The following PPP6R2 variants were observed in gnomAD, a reference collection of about 807,000 sequenced individuals.
PPP6R2 encodes serine/threonine-protein phosphatase 6 regulatory subunit 2.
In PPP6R2, 62 loss-of-function variants were observed where a neutral mutation model predicts 100.2. The observed-to-expected ratio is 0.62, with a 90% CI of 0.50 to 0.76. The LOEUF (loss-of-function observed/expected upper bound fraction) is 0.76. Among genes scored for constraint, PPP6R2 ranks in the 30% least tolerant of loss-of-function variants. The pLI, the probability that PPP6R2 is intolerant of heterozygous loss-of-function variation, is 0.00. For synonymous variants in PPP6R2, 525 were observed against 514.7 expected, an observed-to-expected ratio of 1.02 and a Z score of -0.27; for missense variants, 1,142 against 1,276.3, an observed-to-expected ratio of 0.89 and a Z score of 1.60.
intron 1 of PPP6R2, among the ~76,000 whole-genome samples, chr22:50,367,547 T>A (rs953108185): frequency 2.0e-5 from 3 of 152,084 alleles, no homozygotes; most frequent in Non-Finnish European, 4.4e-5. Flanking sequence ...GTCTCTCCTA[T>A]GCTGTCACAG....
chr22:50,418,718 T>G lies in PPP6R2; in HGVS notation c.619-149T>G, dbSNP rs2060890512. 9.9e-6 allele frequency: 6 copies of G among 608,414 alleles called. No homozygotes were observed. In the South Asian group the frequency reaches 1.0e-4, roughly 11 times the overall value. 37.7% of individuals were successfully genotyped at this position (608,414 alleles called of 1,614,324 possible). A position where few individuals can be genotyped will look rare whatever the true frequency, so the allele number is the denominator to read the frequency against. ...CCACATCTTAAAAAAAAAGAAAAAG[T>G]ATTTGAACATCACAGTGGTATTGAA... On this transcript the variant is annotated intron_variant, in intron 6 of 23. Coordinates refer to ENST00000612753, the MANE Select transcript of PPP6R2 (RefSeq NM_001242898.2).
chr22:50,390,466 G>A (rs1383216356), intron 2 of PPP6R2, among the ~76,000 whole-genome samples: 5 of 152,114 alleles, frequency 3.3e-5, no homozygotes, highest in Non-Finnish European at 5.9e-5. Context: ...GATCATGAAG[G>A]ACATTTCAAA....
At chr22:50,394,180 C>T (rs775762660) in intron 3 of PPP6R2, 45 bp downstream of exon 3, 73 of 1,601,352 alleles carry the variant, frequency 4.6e-5, no homozygotes, top group Non-Finnish European at 5.9e-5. Context: ...GGCAGTGCTG[C>T]AGGCAGGCCG....
At chr22:50,398,252 A>G (rs1448523920) in intron 3 of PPP6R2, among the ~76,000 whole-genome samples, 1 of 149,524 alleles carries the variant, frequency 6.7e-6, no homozygotes, top group Non-Finnish European at 1.5e-5. Context: ...GTTCACTACA[A>G]CCTCCGCGTC....
chr22:50,349,110 G>A lies in PPP6R2; in HGVS notation c.-148+5560G>A, dbSNP rs574368988. Among the ~76,000 whole-genome samples the A allele has an allele frequency of 4.8e-4, 72 of 149,516 alleles. No homozygotes were observed. The South Asian group carries it at 7.7e-3, about 16-fold the overall frequency. On this transcript the variant is annotated intron_variant, in intron 1 of 23. Transcript: ENST00000612753. The stretch of plus-strand genomic sequence containing the variant: ...CTCAGGAGGCTGGGGCAGGAGAATC[G>A]CTTGAACCTGGGAGGTGGAGGTTGC...
At position 50,438,221 on chromosome 22, in the gene PPP6R2, C is replaced by T. The variant is rs1164869084; in HGVS notation, c.1887C>T (p.Pro629=). 1 of 1,613,974 alleles carries T rather than the reference C, an allele frequency of 6.2e-7. No homozygotes were observed. Among genetic ancestry groups the T allele is most frequent in the East Asian group, 2.2e-5 (1 of 44,874 alleles). ...FEACCSDRIQ[P]FDDDEDEDIW... ...CCTGCTGCAGTGACCGCATCCAGCC[C>T]TTTGATGATGATGAGGACGAGGACA... Residue 629 remains proline (P), a synonymous_variant, in exon 18 of 24, where the codon CCC becomes CCT. Coordinates refer to ENST00000612753, the MANE Select transcript of PPP6R2 (RefSeq NM_001242898.2).
intron 10 of PPP6R2, among the ~76,000 whole-genome samples, chr22:50,428,086 C>A: frequency 6.6e-6 from 1 of 151,256 alleles, no homozygotes; most frequent in South Asian, 2.1e-4. Context: ...AACTCCTGAC[C>A]TCAAGTGATC....
At chr22:50,354,256 G>A (rs2148157916) in intron 1 of PPP6R2, among the ~76,000 whole-genome samples, 1 of 152,262 alleles carries the variant, frequency 6.6e-6, no homozygotes, top group Admixed American at 6.5e-5. Flanking sequence ...AGTGAGCCAA[G>A]ATCATGCCAC....
intron 5 of PPP6R2, 91 bp from the exon 6 acceptor site, chr22:50,416,001 A>G: frequency 8.7e-7 from 1 of 1,154,860 alleles, no homozygotes; most frequent in African/African-American, 1.5e-5. Flanking sequence ...TATTCTAGAA[A>G]ACGGGTGCAG....
intron 2 of PPP6R2, among the ~76,000 whole-genome samples, chr22:50,380,685 C>T (rs544900115): frequency 1.0e-3 from 155 of 149,994 alleles, no homozygotes; most frequent in African/African-American, 3.4e-3. Flanking sequence ...AACCAGTTCT[C>T]TTGGGAACTA....
chr22:50,425,730 G>C (rs1426993863), intron 10 of PPP6R2, among the ~76,000 whole-genome samples: 1 of 151,378 alleles, frequency 6.6e-6, no homozygotes, highest in East Asian at 1.9e-4. Context: ...CCGTGTGGCT[G>C]ATGCTCGTCA....
intron 1 of PPP6R2, among the ~76,000 whole-genome samples, chr22:50,356,144 T>G (rs2046518385): frequency 6.6e-6 from 1 of 150,538 alleles, no homozygotes; most frequent in South Asian, 2.1e-4. Flanking sequence ...TTCTATTTTT[T>G]TAGTAGAGAC....
rs1304186211 is a variant in PPP6R2 at position 50,444,126 on chromosome 22, G to A, written c.2831+9G>A. 1 of 1,611,850 alleles carries A rather than the reference G, an allele frequency of 6.2e-7. No homozygotes were observed. Among genetic ancestry groups the A allele is most frequent in the Non-Finnish European group, 8.5e-7 (1 of 1,178,472 alleles). ...ACAGTGACAAAGGACGGGTGAGCAG[G>A]TTGAGTGTGGGGGTAGGGGGTGTGG... On this transcript the variant is annotated intron_variant, in intron 23 of 23. Transcript: ENST00000612753.
intron 2 of PPP6R2, among the ~76,000 whole-genome samples, chr22:50,385,184 TG>T (rs776050641): frequency 3.9e-5 from 6 of 152,064 alleles, no homozygotes; most frequent in Non-Finnish European, 5.9e-5. Flanking sequence ...ACTGCCACAC[TG>T]GGATTAAGTT....
rs185865828 is a variant in PPP6R2 at position 50,354,502 on chromosome 22, C to A, written c.-148+10952C>A. Among the ~76,000 whole-genome samples, 231 of 151,908 alleles carry A rather than the reference C, an allele frequency of 1.5e-3. 2 individuals carry two copies. Among genetic ancestry groups the A allele is most frequent in the African/African-American group, 5.5e-3 (227 of 41,418 alleles). The stretch of plus-strand genomic sequence containing the variant: ...TTTTTATTTTTATTTTTTGGCTAGT[C>A]AAGTGAAGCACTGGGAGTGGAAAAG... On this transcript the variant is annotated intron_variant, in intron 1 of 23. Transcript: ENST00000612753.
At chr22:50,331,701 C>T in the PPP6R2 span, among the ~76,000 whole-genome samples, 1 of 152,210 alleles carries the variant, frequency 6.6e-6, no homozygotes, top group Non-Finnish European at 1.5e-5. Flanking sequence ...CAGCTCACTG[C>T]AACCTCTGCC....
intron 1 of PPP6R2, among the ~76,000 whole-genome samples, chr22:50,351,461 G>T (rs1220300677): frequency 6.6e-6 from 1 of 150,760 alleles, no homozygotes; most frequent in Non-Finnish European, 1.5e-5. Flanking sequence ...GCCAGGCGTT[G>T]ACTTACCCTG....
At chr22:50,432,392 C>T in intron 12 of PPP6R2, 63 bp downstream of exon 12, 1 of 1,430,236 alleles carries the variant, frequency 7.0e-7, no homozygotes. Context: ...AGACGCACCT[C>T]ACCCAAGCCC....
Position 50,422,168 on chromosome 22 carries a change from C to T in PPP6R2, c.846-86C>T. 5 of 1,526,252 alleles carry T rather than the reference C, an allele frequency of 3.3e-6. No individual in the cohort carries two copies. The South Asian group carries it at 6.3e-5, about 19-fold the overall frequency. 94.5% of individuals were successfully genotyped at this position (1,526,252 alleles called of 1,614,324 possible). A position where few individuals can be genotyped will look rare whatever the true frequency, so the allele number is the denominator to read the frequency against. On this transcript the variant is annotated intron_variant, in intron 8 of 23. Coordinates refer to ENST00000612753, the MANE Select transcript of PPP6R2 (RefSeq NM_001242898.2). ...TTTGGGAAAGTTAAAAGGGCTCTTT[C>T]TGGAAGAAGCGGGTGCACTGAGTTG...
Sources: allele counts gnomAD v4.1 joint callset (sites outside exome capture counted in the v4.1 genomes callset), GRCh38; gene constraint gnomAD v4.1.1; transcripts MANE v1.5; gene names NCBI Gene and HGNC (gene_info 2026-07-23, HGNC 2026-07-21).